Variants in PECAM1 observed in about 807,000 individuals in gnomAD.
The protein encoded by PECAM1 is platelet and endothelial cell adhesion molecule 1, also known as platelet endothelial cell adhesion molecule.
Under a neutral mutation model 13.8 loss-of-function variants are expected in PECAM1, and 8 were observed. That is an observed-to-expected ratio of 0.58 (90% confidence interval 0.34 to 1.05). The LOEUF (loss-of-function observed/expected upper bound fraction) is 1.05. PECAM1 is among the 50% of genes least tolerant of loss of function. The pLI, the probability that PECAM1 is intolerant of heterozygous loss-of-function variation, is 0.03. For synonymous variants in PECAM1, 136 were observed against 52.6 expected (o/e 2.58, Z -6.86); for missense variants, 304 against 141.2 (o/e 2.15, Z -5.84).
chr17:64,375,035 G>A lies in PECAM1; in HGVS notation c.691+16C>T. 2 of 474,630 alleles carry A rather than the reference G, an allele frequency of 4.2e-6. No individual in the cohort carries two copies. Among genetic ancestry groups the A allele is most frequent in the Non-Finnish European group, 3.9e-6 (1 of 258,726 alleles). 29.4% of individuals were successfully genotyped at this position (474,630 alleles called of 1,614,324 possible). ...GAAACCACAAAGAACGATGAGGAAG[G>A]GAGCAGGATGCTGACCCGTCACGGT... On this transcript the variant is annotated intron_variant, in intron 4 of 15. Coordinates refer to ENST00000563924, the MANE Select transcript of PECAM1 (RefSeq NM_000442.5).
intron 2 of PECAM1, among the ~76,000 whole-genome samples, chr17:64,383,249 C>G (rs1258469889): frequency 6.6e-6 from 1 of 152,152 alleles, no homozygotes; most frequent in East Asian, 1.9e-4. Flanking sequence ...GTCAGACATA[C>G]CAGATTCAAA....
In PECAM1 at chr17:64,341,648, C is replaced by T. The variant is rs1049476072; in HGVS notation, c.2150G>A (p.Arg717Gln). 6 of 454,236 alleles carry T rather than the reference C, an allele frequency of 1.3e-5. No individual in the cohort carries two copies. The highest frequency in any genetic ancestry group is 2.0e-5 in the Non-Finnish European group (5 of 249,172). The allele number at this position is 454,236 out of a possible 1,614,324, so 28.1% of individuals were successfully genotyped here. A position where few individuals can be genotyped will look rare whatever the true frequency, so the allele number is the denominator to read the frequency against. ...KDTETVYSEV[R>Q]KAVPDAVESR... Reference sequence around the variant, plus strand: ...CCCTCACTCACCAGGGACAGCTTTCCGGACTTCACTGTACACTGTCTCTGT... The same window carrying T: ...CCCTCACTCACCAGGGACAGCTTTCTGGACTTCACTGTACACTGTCTCTGT... Residue 717 changes from arginine (R) to glutamine (Q), a missense_variant, in exon 14 of 16, where the codon CGG becomes CAG. By Grantham distance (43) the Arg-to-Gln change is conservative (BLOSUM62 1). Transcript: ENST00000563924.
At position 64,322,148 on chromosome 17, in the gene PECAM1, G is replaced by C. The variant is rs2034821692; in HGVS notation, c.*1668C>G. The C allele has an allele frequency of 1.1e-6, 1 of 915,520 alleles. No homozygotes were observed. Among genetic ancestry groups the C allele is most frequent in the Admixed American group, 5.3e-5 (1 of 18,726 alleles). The allele number at this position is 915,520 out of a possible 1,614,324, so 56.7% of individuals were successfully genotyped here. A position where few individuals can be genotyped will look rare whatever the true frequency, so the allele number is the denominator to read the frequency against. ...CCAAAGGCCTGTGGAGCACACATGA[G>C]GACAAGGCGGGCAGATCACCAAAGG... is the stretch of plus-strand genomic sequence containing the variant. On this transcript the variant is annotated 3_prime_UTR_variant, in exon 16 of 16. Transcript: ENST00000563924.
At chr17:64,332,214 A>G (rs1298877557) in intron 14 of PECAM1, among the ~76,000 whole-genome samples, 9 of 152,126 alleles carry the variant, frequency 5.9e-5, no homozygotes, top group Admixed American at 1.3e-4. Context: ...CAAATGATGA[A>G]TCAGCCCAAC....
At chr17:64,378,764 G>A (rs1273072044) in intron 2 of PECAM1, 1 of 152,190 alleles carries the variant, frequency 6.6e-6, no homozygotes, top group Non-Finnish European at 1.5e-5. Flanking sequence ...GTGTGACCCT[G>A]GGCAGCTAGA....
At chr17:64,335,682 G>A (rs2035258376) in intron 14 of PECAM1, among the ~76,000 whole-genome samples, 1 of 152,148 alleles carries the variant, frequency 6.6e-6, no homozygotes, top group South Asian at 2.1e-4. Context: ...CATCTGCAGA[G>A]CAAGAATAAT....
At chr17:64,343,402 GC>G (rs2035483219) in intron 13 of PECAM1, among the ~76,000 whole-genome samples, 1 of 152,040 alleles carries the variant, frequency 6.6e-6, no homozygotes, top group Non-Finnish European at 1.5e-5. Flanking sequence ...AAGTTACAGG[GC>G]CCCCTGAGCT....
Position 64,323,238 on chromosome 17 carries a change from C to G in PECAM1, c.*578G>C, listed in dbSNP as rs2034849829. 2.0e-6 allele frequency: 2 copies of G among 990,778 alleles called. No individual in the cohort carries two copies. The highest frequency in any genetic ancestry group is 1.2e-6 in the Non-Finnish European group (1 of 833,288). 61.4% of individuals were successfully genotyped at this position (990,778 alleles called of 1,614,324 possible). A position where few individuals can be genotyped will look rare whatever the true frequency, so the allele number is the denominator to read the frequency against. On this transcript the variant is annotated 3_prime_UTR_variant, in exon 16 of 16. Transcript: ENST00000563924. The stretch of plus-strand genomic sequence containing the variant: ...ACGGTGTCTTCAGGTTGGTATTTCA[C>G]AGGCGGTGCTCCCAAGTAGTCTGGT...
In PECAM1 at chr17:64,353,628, A is replaced by ACTTTT. The variant is rs1191685927; in HGVS notation, c.1889-115_1889-111dup. ...TGCACTAACCTAATAGATAGAAAAC[A>ACTTTT]CTTTTCTTTTCTTTTTGTTTTACTC... On this transcript the variant is annotated intron_variant, in intron 9 of 15. Coordinates refer to ENST00000563924, the MANE Select transcript of PECAM1 (RefSeq NM_000442.5). 4.9e-4 allele frequency: 204 copies of ACTTTT among 412,434 alleles called. 2 individuals carry two copies. The South Asian group carries it at 0.022, about 45-fold the overall frequency. The allele number at this position is 412,434 out of a possible 1,614,324, so 25.5% of individuals were successfully genotyped here. A position where few individuals can be genotyped will look rare whatever the true frequency, so the allele number is the denominator to read the frequency against.
chr17:64,389,664 T>C (rs975139720), intron 2 of PECAM1, among the ~76,000 whole-genome samples: 60 of 152,214 alleles, frequency 3.9e-4, no homozygotes, highest in African/African-American at 1.4e-3. Flanking sequence ...TAAGCCATTA[T>C]GGTAAAACAA....
At position 64,346,083 on chromosome 17, in the gene PECAM1, A is replaced by G. The variant is rs1032120978; in HGVS notation, c.2107+2177T>C. ...ACGGCCTGGAAAACTGCACGCATTC[A>G]GCCTGCACAGTCAGGAAAACTACCC... On this transcript the variant is annotated intron_variant, in intron 13 of 15. Transcript: ENST00000563924. Among the ~76,000 whole-genome samples the G allele has an allele frequency of 5.6e-3, 857 of 152,248 alleles. 5 individuals are homozygous for G. The highest frequency in any genetic ancestry group is 0.02 in the African/African-American group (811 of 41,526).
At chr17:64,368,690 A>G (rs2036166294) in intron 5 of PECAM1, among the ~76,000 whole-genome samples, 1 of 151,608 alleles carries the variant, frequency 6.6e-6, no homozygotes, top group African/African-American at 2.4e-5. Flanking sequence ...TCTCTACTAA[A>G]AATACAAAAA....
Position 64,360,413 on chromosome 17 carries a change from T to A in PECAM1, c.1219A>T (p.Met407Leu). 1 of 475,144 alleles carries A rather than the reference T, an allele frequency of 2.1e-6. No individual in the cohort carries two copies. Among genetic ancestry groups the A allele is most frequent in the Non-Finnish European group, 3.9e-6 (1 of 258,986 alleles). 29.4% of individuals were successfully genotyped at this position (475,144 alleles called of 1,614,324 possible). ...SNTVQIVVCE[M>L]LSQPRISYDA... ...TAAGAAATCCTGGGCTGGGAGAGCATTTCTAGAACAGAGGGAGAAACAATC... is the reference window on the plus strand; with the variant it reads ...TAAGAAATCCTGGGCTGGGAGAGCAATTCTAGAACAGAGGGAGAAACAATC... The change falls in exon 7 of 16, where the codon ATG becomes TTG. Residue 407 changes from methionine (M) to leucine (L), a missense_variant and splice_region_variant. Transcript: ENST00000563924.
Position 64,374,879 on chromosome 17 carries a change from T to C in PECAM1, c.691+172A>G, listed in dbSNP as rs989566668. ...GGTGAAACTCTTGTCTGAAAAATTG[T>C]ATGCAATTTAACTGTATAACAGTCA... On this transcript the variant is annotated intron_variant, in intron 4 of 15. Coordinates refer to ENST00000563924, the MANE Select transcript of PECAM1 (RefSeq NM_000442.5). Among the ~76,000 whole-genome samples, 4 of 152,162 alleles carry C rather than the reference T, an allele frequency of 2.6e-5. No homozygotes were observed. The East Asian group carries it at 5.8e-4, about 22-fold the overall frequency.
At position 64,319,538 on chromosome 17, in the gene PECAM1, G is replaced by T. The variant is rs1440871560; in HGVS notation, c.*4278C>A. 1.3e-5 allele frequency: 2 copies of T among 152,062 alleles called. No individual in the cohort carries two copies. The highest frequency in any genetic ancestry group is 4.8e-5 in the African/African-American group (2 of 41,400). The allele number at this position is 152,062 out of a possible 1,614,324, so 9.4% of individuals were successfully genotyped here. On this transcript the variant is annotated 3_prime_UTR_variant, in exon 16 of 16. Coordinates refer to ENST00000563924, the MANE Select transcript of PECAM1 (RefSeq NM_000442.5). The stretch of plus-strand genomic sequence containing the variant: ...TGCCCTGCCTGACCCTTAACTTGGG[G>T]TTTTATGTATTTGGCATAGTTCTGG...
intron 6 of PECAM1, 114 bp from the exon 7 acceptor site, chr17:64,360,529 C>A: frequency 2.5e-6 from 1 of 401,642 alleles, no homozygotes; most frequent in East Asian, 3.6e-5. Flanking sequence ...GCTGTAATTT[C>A]AAATGCCTGC....
rs1449998853 is a variant in PECAM1, at chr17:64,337,329, C to T, written c.2164+4305G>A. Among the ~76,000 whole-genome samples the T allele has an allele frequency of 2.3e-4, 35 of 152,272 alleles. 1 individual carries two copies. Among genetic ancestry groups the T allele is most frequent in the South Asian group, 8.3e-4 (4 of 4,826 alleles). ...TGGTGCTGTGGGAGGGTCCTGGTCT[C>T]GGAGTCAGGGGACTGCTCTAGTAGT... On this transcript the variant is annotated intron_variant, in intron 14 of 15. Coordinates refer to ENST00000563924, the MANE Select transcript of PECAM1 (RefSeq NM_000442.5).
At position 64,372,379 on chromosome 17, in the gene PECAM1, G is replaced by A. The variant is rs899047002; in HGVS notation, c.692-2354C>T. Among the ~76,000 whole-genome samples the A allele has an allele frequency of 2.0e-5, 3 of 152,276 alleles. 1 individual carries two copies. In the Middle Eastern group the frequency reaches 0.01, roughly 518 times the overall value. On this transcript the variant is annotated intron_variant, in intron 4 of 15. Coordinates refer to ENST00000563924, the MANE Select transcript of PECAM1 (RefSeq NM_000442.5). ...CAATATCTAGCACTTTGGCAACATCGAGCCAGGCACAGTCAGCCAAACCTT... is the reference window on the plus strand; with the variant it reads ...CAATATCTAGCACTTTGGCAACATCAAGCCAGGCACAGTCAGCCAAACCTT...
chr17:64,336,266 C>CA (rs118202513), intron 14 of PECAM1, among the ~76,000 whole-genome samples: 19 of 133,566 alleles, frequency 1.4e-4, no homozygotes, highest in African/African-American at 3.9e-4. Context: ...GACCCTGTCT[C>CA]AAAAAAAAAA....
Sources: gnomAD v4.1 joint callset for allele counts (sites outside exome capture counted in the v4.1 genomes callset) on GRCh38, gnomAD v4.1.1 for gene constraint, MANE v1.5 for transcripts, NCBI Gene and HGNC (gene_info 2026-07-23, HGNC 2026-07-21) for gene names.